The following CEP170 variants were observed in gnomAD, a reference collection of about 807,000 sequenced individuals.
The protein encoded by CEP170 is centrosomal protein 170, also known as centrosomal protein of 170 kDa.
In CEP170, 21 loss-of-function variants were observed where a neutral mutation model predicts 151.9. The ratio of observed to expected loss-of-function variants is 0.14; its 90% CI spans 0.10 to 0.20. CEP170 has a LOEUF of 0.20. Among genes scored for constraint, CEP170 ranks in the 10% least tolerant of loss-of-function variants. The pLI is 1.00. For synonymous variants in CEP170, 356 were observed against 648.8 expected (o/e 0.55, Z 6.86); for missense variants, 964 against 1,892.9 (o/e 0.51, Z 9.11).
At chr1:243,207,194 CAG>C (rs969305393) in intron 4 of CEP170, among the ~76,000 whole-genome samples, 36 of 152,090 alleles carry the variant, frequency 2.4e-4, no homozygotes, top group African/African-American at 6.0e-4. Context: ...TAAAGACAAA[CAG>C]GGTAAAAATT....
intron 15 of CEP170, among the ~76,000 whole-genome samples, chr1:243,141,905 T>C (rs921861263): frequency 2.6e-5 from 4 of 152,266 alleles, no homozygotes; most frequent in African/African-American, 9.6e-5. Flanking sequence ...GATTTTTCTC[T>C]TTGTTATCAG....
rs1434698607 is a variant in CEP170 at position 243,194,384 on chromosome 1, T to C, written c.632-2890A>G. 3.9e-5 allele frequency among the ~76,000 whole-genome samples: 6 copies of C among 152,126 alleles called. No homozygotes were observed. In the East Asian group the frequency reaches 1.2e-3, roughly 29 times the overall value. On this transcript the variant is annotated intron_variant, in intron 7 of 19. Coordinates refer to ENST00000366542, the MANE Select transcript of CEP170 (RefSeq NM_014812.3). Reference sequence around the variant, plus strand: ...CTATTGCTATTGATATATATAATAGTAATACTGATATTGATGATTGATGAT... The same window carrying C: ...CTATTGCTATTGATATATATAATAGCAATACTGATATTGATGATTGATGAT...
intron 14 of CEP170, among the ~76,000 whole-genome samples, chr1:243,143,263 A>G (rs531968987): frequency 4.3e-4 from 66 of 152,186 alleles, no homozygotes; most frequent in Non-Finnish European, 7.6e-4. Context: ...AGTACATGTT[A>G]TGTCACTTGA....
intron 7 of CEP170, among the ~76,000 whole-genome samples, chr1:243,193,934 C>A (rs951050887): frequency 2.0e-5 from 3 of 151,876 alleles, no homozygotes; most frequent in Non-Finnish European, 1.5e-5. Context: ...AGCAGGTACA[C>A]AAATAAATGC....
intron 8 of CEP170, among the ~76,000 whole-genome samples, chr1:243,189,518 T>C (rs2060162942): frequency 7.1e-6 from 1 of 141,576 alleles, no homozygotes; most frequent in South Asian, 2.2e-4. Context: ...ATCGCGCCAC[T>C]GCACTCCAGC....
chr1:243,124,852 G>C lies in CEP170; in HGVS notation c.*1597C>G, dbSNP rs188905297. 6.0e-5 allele frequency: 9 copies of C among 150,574 alleles called. No homozygotes were observed. The allele number at this position is 150,574 out of a possible 1,614,324, so 9.3% of individuals were successfully genotyped here. On this transcript the variant is annotated 3_prime_UTR_variant, in exon 20 of 20. Transcript: ENST00000366542. ...TTTATTAGACAGAATGGGGAATTTA[G>C]CTTTACAAGGAGAATAGTTCATTTA...
In CEP170 at chr1:243,186,275, T is replaced by A; in HGVS notation, c.1256A>T (p.His419Leu). Residue 419 changes from histidine (H) to leucine (L), a missense_variant, in exon 9 of 20, where the codon CAT becomes CTT. Coordinates refer to ENST00000366542, the MANE Select transcript of CEP170 (RefSeq NM_014812.3). ...TTGACTTACAACAGCTTGGTCTTGATGCTTTTCAGTAGCCTGGACCTTCTG... is the reference window on the plus strand; with the variant it reads ...TTGACTTACAACAGCTTGGTCTTGAAGCTTTTCAGTAGCCTGGACCTTCTG... ...KLQKVQATEK[H>L]QDQAVTSSAH... 1.2e-6 allele frequency: 2 copies of A among 1,613,806 alleles called. No individual in the cohort carries two copies. Among genetic ancestry groups the A allele is most frequent in the Non-Finnish European group, 1.7e-6 (2 of 1,179,708 alleles).
chr1:243,226,092 T>TAG (rs2063238489), intron 1 of CEP170, among the ~76,000 whole-genome samples: 20 of 143,918 alleles, frequency 1.4e-4, no homozygotes, highest in African/African-American at 5.0e-4. Flanking sequence ...TAAATATATC[T>TAG]ATATATATAC....
intron 17 of CEP170, among the ~76,000 whole-genome samples, chr1:243,134,575 G>C (rs1212243106): frequency 6.6e-6 from 1 of 151,898 alleles, no homozygotes; most frequent in Non-Finnish European, 1.5e-5. Context: ...ATGGCTCACT[G>C]TAACTCTGAA....
At chr1:243,197,643 G>A (rs560888353) in intron 7 of CEP170, among the ~76,000 whole-genome samples, 1 of 152,096 alleles carries the variant, frequency 6.6e-6, no homozygotes, top group African/African-American at 2.4e-5. Context: ...ATGAGAGTGA[G>A]GGTAAACTCC....
chr1:243,158,181 T>C (rs901648086), intron 13 of CEP170, among the ~76,000 whole-genome samples: 1 of 152,160 alleles, frequency 6.6e-6, no homozygotes, highest in Non-Finnish European at 1.5e-5. Flanking sequence ...TAGAAAAAAA[T>C]TAAGAAATAC....
intron 3 of CEP170, among the ~76,000 whole-genome samples, chr1:243,212,720 G>C (rs899739461): frequency 6.6e-6 from 1 of 151,848 alleles, no homozygotes; most frequent in Non-Finnish European, 1.5e-5. Flanking sequence ...CAGGGTCGCG[G>C]TGGTGCGATC....
At chr1:243,198,110 C>A (rs867437979) in intron 7 of CEP170, among the ~76,000 whole-genome samples, 3 of 152,084 alleles carry the variant, frequency 2.0e-5, no homozygotes, top group Admixed American at 6.6e-5. Flanking sequence ...ATCCTTGGTT[C>A]AGAGCCAGAC....
chr1:243,226,091 CTATA>C (rs1480589125), intron 1 of CEP170, among the ~76,000 whole-genome samples: 1 of 138,112 alleles, frequency 7.2e-6, no homozygotes. Context: ...ATAAATATAT[CTATA>C]TATATACACG....
chr1:243,252,227 C>G (rs1369539450), intron 1 of CEP170, among the ~76,000 whole-genome samples: 1 of 152,110 alleles, frequency 6.6e-6, no homozygotes, highest in African/African-American at 2.4e-5. Context: ...TGCAACTGTA[C>G]AGATACTTTA....
At chr1:243,155,226 C>T (rs1221764255) in intron 14 of CEP170, among the ~76,000 whole-genome samples, 4 of 152,058 alleles carry the variant, frequency 2.6e-5, no homozygotes, top group Non-Finnish European at 4.4e-5. Context: ...AGAATAAAAG[C>T]GATGACAAGT....
intron 14 of CEP170, among the ~76,000 whole-genome samples, chr1:243,154,114 A>G (rs2057352355): frequency 6.6e-6 from 1 of 152,230 alleles, no homozygotes; most frequent in Non-Finnish European, 1.5e-5. Context: ...TTTAAATTTA[A>G]ATGCAGGTAA....
intron 1 of CEP170, among the ~76,000 whole-genome samples, chr1:243,232,377 C>G (rs1360556496): frequency 6.6e-6 from 1 of 152,126 alleles, no homozygotes; most frequent in Non-Finnish European, 1.5e-5. Context: ...TTTAGGAAAT[C>G]TCAAAGAGTA....
chr1:243,169,874 G>T (rs1388452131), intron 11 of CEP170, 120 bp from the exon 12 acceptor site: 57 of 1,186,952 alleles, frequency 4.8e-5, no homozygotes, highest in Non-Finnish European at 6.4e-5. Context: ...ACCTCACCTT[G>T]CTATATTATC....
Sources: allele counts gnomAD v4.1 joint callset (sites outside exome capture counted in the v4.1 genomes callset), GRCh38; gene constraint gnomAD v4.1.1; transcripts MANE v1.5; gene names NCBI Gene and HGNC (gene_info 2026-07-23, HGNC 2026-07-21).